The following LRRC31 variants were observed in gnomAD, a reference collection of about 807,000 sequenced individuals.
The protein encoded by LRRC31 is leucine rich repeat containing 31.
In LRRC31, 35 loss-of-function variants were observed where a neutral mutation model predicts 46.7. The observed-to-expected ratio is 0.75, with a 90% CI of 0.57 to 0.99. The LOEUF is 0.99. Among genes scored for constraint, LRRC31 ranks in the 50% least tolerant of loss-of-function variants. The probability of loss-of-function intolerance (pLI) is 0.00; values close to 1 mark genes in which losing one functional copy is unlikely to be tolerated. For synonymous variants in LRRC31, 236 were observed against 235.1 expected (o/e 1.00, Z -0.03); for missense variants, 613 against 626.1 (o/e 0.98, Z 0.22).
Position 169,861,805 on chromosome 3 carries a change from G to A in LRRC31, c.184C>T (p.Leu62Phe). The change falls in exon 2 of 9, where the codon CTC (leucine) becomes TTC (phenylalanine). Residue 62 changes from leucine to phenylalanine, a missense_variant. Coordinates refer to ENST00000316428, the MANE Select transcript of LRRC31 (RefSeq NM_024727.4). Reference protein sequence around the residue: ...KTATSETAKPLSSEMEWRSSM... With the variant: ...KTATSETAKPFSSEMEWRSSM... ...GATCTCCATTCCATTTCTGAACTGA[G>A]AGGCTTAGCTGTGTGATAAGCATAA... 6.2e-7 allele frequency: 1 copy of A among 1,613,748 alleles called. No individual in the cohort carries two copies. The highest frequency in any genetic ancestry group is 2.2e-5 in the East Asian group (1 of 44,884).
At chr3:169,860,446 T>C (rs1326569559) in intron 3 of LRRC31, 115 bp downstream of exon 3, 1 of 1,076,708 alleles carries the variant, frequency 9.3e-7, no homozygotes. Flanking sequence ...CAGGCTGTTC[T>C]CGAACTCCTG....
chr3:169,864,203 G>A (rs1226675767), intron 1 of LRRC31, among the ~76,000 whole-genome samples: 4 of 152,088 alleles, frequency 2.6e-5, no homozygotes, highest in Non-Finnish European at 4.4e-5. Context: ...ACTGTCAAAT[G>A]TTTGGAAAGA....
chr3:169,850,703 T>C (rs1261932233), intron 7 of LRRC31, among the ~76,000 whole-genome samples: 1 of 152,198 alleles, frequency 6.6e-6, no homozygotes, highest in Non-Finnish European at 1.5e-5. Context: ...ACATGCCTTA[T>C]ACAGTTATAA....
intron 6 of LRRC31, among the ~76,000 whole-genome samples, chr3:169,852,025 G>A (rs1035045083): frequency 6.6e-6 from 1 of 151,976 alleles, no homozygotes; most frequent in Non-Finnish European, 1.5e-5. Context: ...GTAGATCTTG[G>A]ATCTGCTACT....
rs1172011384 is a variant in LRRC31 at position 169,861,748 on chromosome 3, T to A, written c.241A>T (p.Lys81Ter). ...SMEKNEHFLQ[K>*]LGKKAVNKCL... ...TTGTTGACAGCCTTTTTGCCCAGCT[T>A]CTGCAGGAAATGCTCATTTTTCTCC... Residue 81 changes from lysine to a stop codon, truncating the protein, a stop_gained, in exon 2 of 9, where the codon AAG (lysine) becomes TAG (stop). Transcript: ENST00000316428. LOFTEE classifies it high-confidence loss of function. 1 of 1,614,190 alleles carries A rather than the reference T, an allele frequency of 6.2e-7. No individual in the cohort carries two copies. The highest frequency in any genetic ancestry group is 1.7e-5 in the Admixed American group (1 of 60,028).
At chr3:169,851,264 T>C (rs1780755383) in intron 7 of LRRC31, among the ~76,000 whole-genome samples, 1 of 151,824 alleles carries the variant, frequency 6.6e-6, no homozygotes, top group African/African-American at 2.4e-5. Flanking sequence ...AATACAAAAA[T>C]TAGTCAGGTA....
Position 169,856,363 on chromosome 3 carries a change from A to G in LRRC31, c.796T>C (p.Leu266=), listed in dbSNP as rs1178632705. 1 of 1,594,450 alleles carries G rather than the reference A, an allele frequency of 6.3e-7. No homozygotes were observed. Among genetic ancestry groups the G allele is most frequent in the Admixed American group, 1.7e-5 (1 of 57,918 alleles). Residue 266 remains leucine, a synonymous_variant, in exon 5 of 9, where the codon TTA becomes CTA. Transcript: ENST00000316428. The part of the protein sequence containing the change: ...LKVLKLHSCG[L]SQKSVKILDA... ...AATATTTTGACACTCTTTTGTGATAATCCACATGAATGTAACTTCAGTACT... is the reference window on the plus strand; with the variant it reads ...AATATTTTGACACTCTTTTGTGATAGTCCACATGAATGTAACTTCAGTACT...
intron 8 of LRRC31, among the ~76,000 whole-genome samples, chr3:169,843,204 C>A (rs1043808686): frequency 1.3e-5 from 2 of 152,162 alleles, no homozygotes; most frequent in Non-Finnish European, 2.9e-5. Flanking sequence ...GTGAGAGGCA[C>A]GGACAATCCA....
At chr3:169,859,295 CAAA>C (rs1171318541) in intron 3 of LRRC31, among the ~76,000 whole-genome samples, 1 of 63,890 alleles carries the variant, frequency 1.6e-5, no homozygotes. Flanking sequence ...AACACCGTCT[CAAA>C]AAAAAAAAGG....
chr3:169,854,978 C>A lies in LRRC31; in HGVS notation c.826G>T (p.Ala276Ser). 6.2e-7 allele frequency: 1 copy of A among 1,606,682 alleles called. No individual in the cohort carries two copies. Among genetic ancestry groups the A allele is most frequent in the Non-Finnish European group, 8.5e-7 (1 of 1,178,482 alleles). ...AGCTCACCCAAATACCTAAAAGCAG[C>A]ATCTACAAAGAAAGTCAGAATCCCA... Reference protein sequence around the residue: ...LSQKSVKILDAAFRYLGELRK... With the variant: ...LSQKSVKILDSAFRYLGELRK... Residue 276 changes from alanine to serine, a missense_variant and splice_region_variant, in exon 6 of 9, where the codon GCT becomes TCT. Ala to Ser is a moderately conservative substitution (Grantham distance 99). Coordinates refer to ENST00000316428, the MANE Select transcript of LRRC31 (RefSeq NM_024727.4).
chr3:169,846,565 T>C (rs943135032), intron 8 of LRRC31, among the ~76,000 whole-genome samples: 3 of 152,036 alleles, frequency 2.0e-5, no homozygotes, highest in African/African-American at 7.2e-5. Flanking sequence ...GGAGAATCTG[T>C]TGAACATGGC....
chr3:169,849,903 T>C (rs766525249), intron 7 of LRRC31, among the ~76,000 whole-genome samples: 16 of 152,214 alleles, frequency 1.1e-4, no homozygotes, highest in Non-Finnish European at 2.1e-4. Context: ...AGTTCTGGGA[T>C]ATTAGCTAAG....
At chr3:169,860,303 C>T (rs1293789861) in intron 3 of LRRC31, among the ~76,000 whole-genome samples, 1 of 151,488 alleles carries the variant, frequency 6.6e-6, no homozygotes, top group East Asian at 2.0e-4. Flanking sequence ...TCTCGGCTCA[C>T]TGCAACTTCC....
chr3:169,839,796 ATATATATGTG>A lies in LRRC31; in HGVS notation c.*176_*185del. 5.1e-6 allele frequency: 1 copy of A among 195,776 alleles called. No homozygotes were observed. The highest frequency in any genetic ancestry group is 1.9e-4 in the South Asian group (1 of 5,318). 12.1% of individuals were successfully genotyped at this position (195,776 alleles called of 1,614,324 possible). A position where few individuals can be genotyped will look rare whatever the true frequency, so the allele number is the denominator to read the frequency against. On this transcript the variant is annotated 3_prime_UTR_variant, in exon 9 of 9. Transcript: ENST00000316428. ...TATATGTGTATTATATATGTATATT[ATATATATGTG>A]TATATATGTATATTACATATATATA...
intron 1 of LRRC31, among the ~76,000 whole-genome samples, chr3:169,867,055 G>A (rs867616147): frequency 9.4e-6 from 1 of 106,672 alleles, no homozygotes; most frequent in Admixed American, 8.3e-5. Flanking sequence ...TTGTTTGTTT[G>A]TTTGTTTTTT....
intron 1 of LRRC31, among the ~76,000 whole-genome samples, chr3:169,864,053 C>T (rs534173870): frequency 6.1e-4 from 92 of 151,858 alleles, no homozygotes; most frequent in African/African-American, 2.1e-3. Context: ...TAAAAAATTT[C>T]TCTGCATTGC....
At chr3:169,841,157 C>T (rs760672074) in intron 8 of LRRC31, among the ~76,000 whole-genome samples, 23 of 152,288 alleles carry the variant, frequency 1.5e-4, no homozygotes, top group Admixed American at 6.5e-4. Context: ...TCAAGTTTGC[C>T]CCAGCATTAT....
chr3:169,861,070 C>CTTT (rs11337221), intron 2 of LRRC31, among the ~76,000 whole-genome samples: 3 of 125,006 alleles, frequency 2.4e-5, no homozygotes, highest in Non-Finnish European at 5.0e-5. Context: ...TTTTCTTTTC[C>CTTT]TTTTTTTTTT....
intron 7 of LRRC31, 48 bp from the exon 8 acceptor site, chr3:169,848,335 G>C (rs370657995): frequency 2.0e-5 from 32 of 1,561,994 alleles, no homozygotes; most frequent in Middle Eastern, 1.7e-4. Flanking sequence ...ATTTCTTACA[G>C]ATCATAGGCT....
Sources: gnomAD v4.1 joint callset for allele counts (sites outside exome capture counted in the v4.1 genomes callset) on GRCh38, gnomAD v4.1.1 for gene constraint, MANE v1.5 for transcripts, NCBI Gene and HGNC (gene_info 2026-07-23, HGNC 2026-07-21) for gene names.